The following CRLF3 variants were observed in gnomAD, a reference collection of about 807,000 sequenced individuals.
The protein encoded by CRLF3 is cytokine receptor-like factor 3.
In CRLF3, 33 loss-of-function variants were observed where a neutral mutation model predicts 55.0. The ratio of observed to expected loss-of-function variants is 0.60; its 90% CI spans 0.46 to 0.80. The LOEUF (loss-of-function observed/expected upper bound fraction) is 0.80, where lower values mean the gene tolerates loss of function less well. Ranked by LOEUF, CRLF3 falls within the 30% of genes least tolerant of loss-of-function variation. The pLI is 0.00. For synonymous variants in CRLF3, 238 were observed against 196.8 expected, an observed-to-expected ratio of 1.21 and a Z score of -1.75; for missense variants, 494 against 538.4, an observed-to-expected ratio of 0.92 and a Z score of 0.82.
At chr17:30,792,995 AAAAAAT>A (rs958817053) in intron 5 of CRLF3, among the ~76,000 whole-genome samples, 115 of 148,894 alleles carry the variant, frequency 7.7e-4, no homozygotes, top group African/African-American at 2.6e-3. Context: ...AGTCTCTAGA[AAAAAAT>A]AAAAAATTAG....
chr17:30,821,070 G>C (rs1904982015), intron 1 of CRLF3, among the ~76,000 whole-genome samples: 1 of 148,828 alleles, frequency 6.7e-6, no homozygotes, highest in Admixed American at 6.7e-5. Flanking sequence ...AAAAAAAGAG[G>C]CTGGGTGCGG....
At chr17:30,798,384 CA>C (rs34844980) in intron 2 of CRLF3, among the ~76,000 whole-genome samples, 5 of 145,246 alleles carry the variant, frequency 3.4e-5, no homozygotes, top group Non-Finnish European at 6.1e-5. Context: ...TCCCCCCCGC[CA>C]AAAAAAAAAG....
At chr17:30,802,013 G>C (rs993681270) in intron 2 of CRLF3, among the ~76,000 whole-genome samples, 2 of 151,858 alleles carry the variant, frequency 1.3e-5, no homozygotes, top group African/African-American at 4.8e-5. Context: ...CACTATTCCA[G>C]ACAAAGTTAA....
At chr17:30,822,960 C>T (rs1230650034) in intron 1 of CRLF3, among the ~76,000 whole-genome samples, 1 of 152,110 alleles carries the variant, frequency 6.6e-6, no homozygotes, top group Non-Finnish European at 1.5e-5. Context: ...ATTGAAAGGC[C>T]TTGAAAAGTA....
chr17:30,784,088 TA>T lies in CRLF3; in HGVS notation c.*98del. On this transcript the variant is annotated 3_prime_UTR_variant, in exon 8 of 8. Transcript: ENST00000324238. ...GTAAACACTTTCCAATGGCCTAAGT[TA>T]GAGATGAATTCAACTTTTTTTTTAA... 1 of 1,073,074 alleles carries T rather than the reference TA, an allele frequency of 9.3e-7. No individual in the cohort carries two copies. The highest frequency in any genetic ancestry group is 1.6e-5 in the South Asian group (1 of 61,644). The allele number at this position is 1,073,074 out of a possible 1,614,324, so 66.5% of individuals were successfully genotyped here.
At chr17:30,790,745 T>C (rs1344562224) in intron 6 of CRLF3, 1 of 149,748 alleles carries the variant, frequency 6.7e-6, no homozygotes, top group Non-Finnish European at 1.5e-5. Context: ...GCCTCCCGAG[T>C]AGCTGGGACT....
At chr17:30,803,382 A>T (rs536092685) in intron 2 of CRLF3, among the ~76,000 whole-genome samples, 2 of 152,300 alleles carry the variant, frequency 1.3e-5, no homozygotes, top group Admixed American at 1.3e-4. Context: ...ACCTAACGGT[A>T]TATCTGTCAT....
chr17:30,798,889 T>C (rs1971962965), intron 2 of CRLF3, among the ~76,000 whole-genome samples: 3 of 152,072 alleles, frequency 2.0e-5, no homozygotes, highest in Admixed American at 2.0e-4. Context: ...TAAGTAAGTT[T>C]CTATCCCTCA....
At chr17:30,792,326 A>T (rs1355923574) in intron 6 of CRLF3, 114 bp downstream of exon 6, 1 of 957,738 alleles carries the variant, frequency 1.0e-6, no homozygotes, top group African/African-American at 1.6e-5. Flanking sequence ...CCACAGTAAC[A>T]CTGCCTATAA....
At chr17:30,796,426 G>T (rs1971919534) in intron 3 of CRLF3, 89 bp from the exon 4 acceptor site, 1 of 955,860 alleles carries the variant, frequency 1.0e-6, no homozygotes, top group Non-Finnish European at 1.5e-6. Flanking sequence ...ATGCTTGAAA[G>T]ATCCTGAAGC....
intron 6 of CRLF3, chr17:30,790,936 T>G (rs1971784941): frequency 6.7e-6 from 1 of 149,862 alleles, no homozygotes. Context: ...TTCTTTTTTT[T>G]GAGACGGAGT....
intron 1 of CRLF3, among the ~76,000 whole-genome samples, chr17:30,808,530 C>T (rs1904500720): frequency 6.6e-6 from 1 of 151,798 alleles, no homozygotes; most frequent in African/African-American, 2.4e-5. Context: ...TCAGGTGATC[C>T]TTCTGCCTCA....
intron 1 of CRLF3, among the ~76,000 whole-genome samples, chr17:30,806,283 T>TAA (rs1904401670): frequency 2.0e-5 from 3 of 152,138 alleles, no homozygotes; most frequent in Non-Finnish European, 4.4e-5. Flanking sequence ...ATACATAATC[T>TAA]ATACCCTAAA....
At chr17:30,784,693 GACTA>G (rs1971594896) in intron 7 of CRLF3, 4 of 387,796 alleles carry the variant, frequency 1.0e-5, no homozygotes, top group South Asian at 4.8e-5. Flanking sequence ...GAAATAGCAA[GACTA>G]TTTCTTATGG....
rs762349741 is a variant in CRLF3, at chr17:30,784,480, C to CA, written c.1073-38dup. On this transcript the variant is annotated intron_variant, in intron 7 of 7. Transcript: ENST00000324238. ...AGGTAAAGAGTCATTTACATGTGAGCAATAACTAAGAGATCTGAAATAGTT... is the reference window on the plus strand; with the variant it reads ...AGGTAAAGAGTCATTTACATGTGAGCAAATAACTAAGAGATCTGAAATAGTT... 4 of 1,556,198 alleles carry CA rather than the reference C, an allele frequency of 2.6e-6. No homozygotes were observed. In the African/African-American group the frequency reaches 5.5e-5, roughly 21 times the overall value.
At chr17:30,803,069 G>T (rs1382633178) in intron 2 of CRLF3, among the ~76,000 whole-genome samples, 3 of 151,856 alleles carry the variant, frequency 2.0e-5, no homozygotes, top group African/African-American at 7.3e-5. Context: ...GGAGGCTGAG[G>T]TGGGAGGATC....
At chr17:30,805,578 G>C (rs1904371072) in intron 1 of CRLF3, among the ~76,000 whole-genome samples, 1 of 152,044 alleles carries the variant, frequency 6.6e-6, no homozygotes, top group Non-Finnish European at 1.5e-5. Context: ...GCTGAGTTTG[G>C]TGGTGCATGC....
chr17:30,802,940 A>G (rs1164591815), intron 2 of CRLF3, among the ~76,000 whole-genome samples: 1 of 151,872 alleles, frequency 6.6e-6, no homozygotes, highest in Non-Finnish European at 1.5e-5. Context: ...CAAGATGAGA[A>G]GATTGCTTGA....
Position 30,798,990 on chromosome 17 carries a change from T to C in CRLF3, c.338-1592A>G, listed in dbSNP as rs372797887. 3.3e-5 allele frequency among the ~76,000 whole-genome samples: 5 copies of C among 152,198 alleles called. No individual in the cohort carries two copies. In the East Asian group the frequency reaches 7.7e-4, roughly 24 times the overall value. On this transcript the variant is annotated intron_variant, in intron 2 of 7. Coordinates refer to ENST00000324238, the MANE Select transcript of CRLF3 (RefSeq NM_015986.4). ...AATAATTTTTTTTAATTAAAAAACA[T>C]AGGCCAGGCACAGTGGCTCACGCCT... is the stretch of plus-strand genomic sequence containing the variant.
Sources: gnomAD v4.1 joint callset for allele counts (sites outside exome capture counted in the v4.1 genomes callset) on GRCh38, gnomAD v4.1.1 for gene constraint, MANE v1.5 for transcripts, NCBI Gene and HGNC (gene_info 2026-07-23, HGNC 2026-07-21) for gene names.